Variants in BCAR3 observed in about 807,000 individuals in gnomAD.
BCAR3 encodes the protein breast cancer anti-estrogen resistance protein 3.
Under a neutral mutation model 80.1 loss-of-function variants are expected in BCAR3, and 37 were observed. That is an observed-to-expected ratio of 0.46 (90% CI 0.36 to 0.61). The LOEUF is 0.61. BCAR3 is among the 20% of genes least tolerant of loss of function. The probability of loss-of-function intolerance (pLI) is 0.00; values close to 1 mark genes in which losing one functional copy is unlikely to be tolerated. For missense variants in BCAR3, 978 were observed against 1,068.2 expected (o/e 0.92, Z 1.18); for synonymous variants, 389 against 418.9 (o/e 0.93, Z 0.87).
chr1:93,684,129 CAA>C (rs1031902471), upstream of BCAR3, among the ~76,000 whole-genome samples: 1 of 152,070 alleles, frequency 6.6e-6, no homozygotes, highest in Non-Finnish European at 1.5e-5. Context: ...TATTTTCCCC[CAA>C]GTGTTTAGTG....
At chr1:93,576,850 G>T (rs1235729754) in intron 7 of BCAR3, among the ~76,000 whole-genome samples, 1 of 152,208 alleles carries the variant, frequency 6.6e-6, no homozygotes, top group Non-Finnish European at 1.5e-5. Context: ...CTGAGCCAGT[G>T]TGTCTCTAAA....
At chr1:93,693,664 C>A (rs1333828275) in intron 3 of BCAR3, among the ~76,000 whole-genome samples, 1 of 152,204 alleles carries the variant, frequency 6.6e-6, no homozygotes, top group East Asian at 1.9e-4. Flanking sequence ...TCCTTTAAAA[C>A]ACTTTATACA....
At chr1:93,668,533 C>G (rs535982820) in intron 2 of BCAR3, among the ~76,000 whole-genome samples, 4 of 152,206 alleles carry the variant, frequency 2.6e-5, no homozygotes, top group African/African-American at 7.2e-5. Context: ...GTTCAAACAC[C>G]GAGGGGTATT....
At chr1:93,607,074 T>A (rs557119754) in intron 3 of BCAR3, among the ~76,000 whole-genome samples, 1 of 152,224 alleles carries the variant, frequency 6.6e-6, no homozygotes. Context: ...CAGAGGGACA[T>A]AATAGACACT....
intron 1 of BCAR3, among the ~76,000 whole-genome samples, chr1:93,676,135 T>G (rs911731738): frequency 4.6e-5 from 7 of 152,162 alleles, no homozygotes; most frequent in African/African-American, 1.7e-4. Context: ...AAACCACCCT[T>G]TCCACTGCAT....
At chr1:93,768,133 T>G (rs1429917106) in intron 2 of BCAR3, among the ~76,000 whole-genome samples, 1 of 152,168 alleles carries the variant, frequency 6.6e-6, no homozygotes, top group Non-Finnish European at 1.5e-5. Context: ...TGTGCAGGGC[T>G]GTCGGATTAG....
intron 2 of BCAR3, among the ~76,000 whole-genome samples, chr1:93,652,718 T>TG (rs1477177973): frequency 6.6e-6 from 1 of 152,172 alleles, no homozygotes; most frequent in Non-Finnish European, 1.5e-5. Flanking sequence ...CATCTCTACT[T>TG]GCAACGGAGG....
Position 93,674,934 on chromosome 1 carries a change from T to C in BCAR3, c.-4A>G, listed in dbSNP as rs771109519. ...TTGCAAATTTTCCTGCAGCCATAAT[T>C]CTCAACTCTAAGGGGGAAAGAAAAG... On this transcript the variant is annotated 5_prime_UTR_variant, in exon 2 of 12. Coordinates refer to ENST00000260502, the MANE Select transcript of BCAR3 (RefSeq NM_003567.4). 7.8e-6 allele frequency: 12 copies of C among 1,545,746 alleles called. No individual in the cohort carries two copies. The highest frequency in any genetic ancestry group is 1.0e-5 in the Non-Finnish European group (12 of 1,153,126).
chr1:93,733,748 T>C (rs1650880997), intron 2 of BCAR3, among the ~76,000 whole-genome samples: 1 of 152,142 alleles, frequency 6.6e-6, no homozygotes, highest in Admixed American at 6.5e-5. Context: ...TGGGTTGTGT[T>C]TGTGTGTGTG....
intron 2 of BCAR3, among the ~76,000 whole-genome samples, chr1:93,735,356 C>T (rs1384511935): frequency 9.2e-5 from 14 of 152,186 alleles, no homozygotes. Context: ...TAAGGACCCT[C>T]CTCTCCCACT....
chr1:93,778,660 C>T (rs1652657854), intron 2 of BCAR3, among the ~76,000 whole-genome samples: 1 of 152,172 alleles, frequency 6.6e-6, no homozygotes, highest in Admixed American at 6.5e-5. Flanking sequence ...GGTTCCCAGC[C>T]ACCTGCCAGT....
At chr1:93,846,804 C>G (rs2100862014) in intron 1 of BCAR3, 1 of 462,284 alleles carries the variant, frequency 2.2e-6, no homozygotes. Flanking sequence ...GGCGGCAAGA[C>G]GAGCTCTCGG....
At chr1:93,797,654 T>C (rs1232051556) in intron 2 of BCAR3, among the ~76,000 whole-genome samples, 1 of 152,064 alleles carries the variant, frequency 6.6e-6, no homozygotes, top group African/African-American at 2.4e-5. Flanking sequence ...ATTTTCTAGC[T>C]GGGTTTTATT....
intron 2 of BCAR3, among the ~76,000 whole-genome samples, chr1:93,726,075 T>C (rs1650572075): frequency 6.6e-6 from 1 of 152,112 alleles, no homozygotes; most frequent in Non-Finnish European, 1.5e-5. Context: ...TTTTTTGTTT[T>C]TTTGTTTTTG....
At chr1:93,608,671 T>C (rs1199650349) in intron 3 of BCAR3, among the ~76,000 whole-genome samples, 1 of 152,182 alleles carries the variant, frequency 6.6e-6, no homozygotes, top group African/African-American at 2.4e-5. Context: ...AGCTCCAGGG[T>C]CTGCTAGGGA....
intron 3 of BCAR3, among the ~76,000 whole-genome samples, chr1:93,610,166 A>G (rs1674907498): frequency 6.6e-6 from 1 of 152,234 alleles, no homozygotes. Context: ...CAATGGGATG[A>G]AAGCCAATGG....
At chr1:93,564,438 C>T (rs893229937) in intron 11 of BCAR3, among the ~76,000 whole-genome samples, 1 of 151,846 alleles carries the variant, frequency 6.6e-6, no homozygotes, top group African/African-American at 2.4e-5. Flanking sequence ...GCCACCACGC[C>T]CGGCTAATTT....
intron 2 of BCAR3, among the ~76,000 whole-genome samples, chr1:93,774,442 C>G (rs1006222430): frequency 6.6e-6 from 1 of 151,186 alleles, no homozygotes; most frequent in African/African-American, 2.4e-5. Context: ...CGAGATCGGA[C>G]CACTGCACTC....
chr1:93,778,330 C>T (rs1343004246), intron 2 of BCAR3, among the ~76,000 whole-genome samples: 1 of 152,146 alleles, frequency 6.6e-6, no homozygotes, highest in Admixed American at 6.6e-5. Flanking sequence ...ATATTTTATT[C>T]AAATTTAAAA....
Sources: allele counts gnomAD v4.1 joint callset (sites outside exome capture counted in the v4.1 genomes callset), GRCh38; gene constraint gnomAD v4.1.1; transcripts MANE v1.5; gene names NCBI Gene and HGNC (gene_info 2026-07-23, HGNC 2026-07-21).